Variants in FAM227B observed in about 807,000 individuals in gnomAD.
FAM227B encodes protein FAM227B.
Under a neutral mutation model 73.8 loss-of-function variants are expected in FAM227B, and 88 were observed. The observed-to-expected ratio is 1.19, with a 90% CI of 1.00 to 1.42. The LOEUF (loss-of-function observed/expected upper bound fraction) is 1.42. FAM227B is among the 40% of genes most tolerant of loss of function. The pLI is 0.00. For synonymous variants in FAM227B, 210 were observed against 190.5 expected, an observed-to-expected ratio of 1.10 and a Z score of -0.84; for missense variants, 632 against 590.9, an observed-to-expected ratio of 1.07 and a Z score of -0.72.
At chr15:49,559,140 C>T (rs958366335) in intron 9 of FAM227B, among the ~76,000 whole-genome samples, 1 of 152,208 alleles carries the variant, frequency 6.6e-6, no homozygotes, top group Non-Finnish European at 1.5e-5. Context: ...GTCATGAGCC[C>T]TGGAACAATT....
intron 11 of FAM227B, among the ~76,000 whole-genome samples, chr15:49,498,740 TG>T (rs148736792): frequency 0.029 from 4,372 of 152,226 alleles, 222 homozygotes; most frequent in African/African-American, 0.1. Context: ...TCATGTGAAA[TG>T]ACACCCATAG....
intron 9 of FAM227B, among the ~76,000 whole-genome samples, chr15:49,543,439 T>C (rs2071368326): frequency 6.6e-6 from 1 of 152,232 alleles, no homozygotes; most frequent in East Asian, 1.9e-4. Flanking sequence ...TTGCAAATGT[T>C]TGCACCGACT....
chr15:49,565,930 T>C (rs978342857), intron 9 of FAM227B, among the ~76,000 whole-genome samples: 3 of 152,092 alleles, frequency 2.0e-5, no homozygotes, highest in Admixed American at 6.6e-5. Context: ...ACTGGCAACC[T>C]CCAGAAGACA....
At chr15:49,367,695 A>T (rs2045427972) in intron 12 of FAM227B, 87 bp from the exon 13 acceptor site, 3 of 1,224,964 alleles carry the variant, frequency 2.4e-6, no homozygotes, top group Non-Finnish European at 3.3e-6. Flanking sequence ...TATTTAGCAT[A>T]AAGTTACCAT....
chr15:49,460,341 T>C (rs1489060915), intron 11 of FAM227B, among the ~76,000 whole-genome samples: 1 of 152,208 alleles, frequency 6.6e-6, no homozygotes, highest in African/African-American at 2.4e-5. Context: ...GCCATGCTTA[T>C]GGAAGGTGAA....
intron 13 of FAM227B, among the ~76,000 whole-genome samples, chr15:49,350,987 T>C (rs1055676316): frequency 3.3e-5 from 5 of 152,196 alleles, no homozygotes; most frequent in Non-Finnish European, 5.9e-5. Context: ...TGAGCACATA[T>C]ATGCTACACA....
chr15:49,365,896 G>A (rs2045088777), intron 13 of FAM227B: 1 of 960,072 alleles, frequency 1.0e-6, no homozygotes, highest in South Asian at 1.3e-5. Context: ...TGCAGCAAGA[G>A]AGTTGTACAG....
At chr15:49,603,669 G>C (rs976911682) in intron 3 of FAM227B, among the ~76,000 whole-genome samples, 8 of 151,972 alleles carry the variant, frequency 5.3e-5, no homozygotes, top group African/African-American at 1.9e-4. Flanking sequence ...CAGTACTATG[G>C]TTGAATAATA....
intron 11 of FAM227B, among the ~76,000 whole-genome samples, chr15:49,428,809 T>A (rs1220487563): frequency 6.6e-6 from 1 of 152,010 alleles, no homozygotes; most frequent in Non-Finnish European, 1.5e-5. Flanking sequence ...CACTGTTAGT[T>A]CCATAGCAAG....
intron 11 of FAM227B, among the ~76,000 whole-genome samples, chr15:49,445,264 G>A (rs1195641205): frequency 6.6e-6 from 1 of 151,466 alleles, no homozygotes; most frequent in Non-Finnish European, 1.5e-5. Context: ...TTCAACCCTT[G>A]CCTACATCTC....
chr15:49,376,734 T>TA (rs2046187530), intron 11 of FAM227B, among the ~76,000 whole-genome samples: 1 of 152,074 alleles, frequency 6.6e-6, no homozygotes, highest in African/African-American at 2.4e-5. Flanking sequence ...TTCCAATACA[T>TA]TAGCATGGGA....
chr15:49,328,693 G>A lies in FAM227B; in HGVS notation c.1420-18C>T, dbSNP rs1219245855. 1 of 1,548,744 alleles carries A rather than the reference G, an allele frequency of 6.5e-7. No individual in the cohort carries two copies. Among genetic ancestry groups the A allele is most frequent in the African/African-American group, 1.4e-5 (1 of 73,020 alleles). On this transcript the variant is annotated intron_variant, in intron 15 of 15. Coordinates refer to ENST00000299338, the MANE Select transcript of FAM227B (RefSeq NM_152647.3). ...TCGGAACGCTATGAAAATAATACAT[G>A]ATTAAAGTTTCACAGATCTTCTTGG... is the stretch of plus-strand genomic sequence containing the variant.
chr15:49,348,668 A>T (rs2041863040), intron 13 of FAM227B, among the ~76,000 whole-genome samples: 1 of 152,158 alleles, frequency 6.6e-6, no homozygotes. Flanking sequence ...CCTAAGAGAG[A>T]AGTAGGTTGG....
chr15:49,357,518 C>T (rs982583216), intron 13 of FAM227B, among the ~76,000 whole-genome samples: 3 of 152,092 alleles, frequency 2.0e-5, no homozygotes, highest in African/African-American at 7.2e-5. Flanking sequence ...GACACATACA[C>T]TCTCCCAAGA....
In FAM227B at chr15:49,328,622, T is replaced by C; in HGVS notation, c.1473A>G (p.Ser491=). The C allele has an allele frequency of 6.3e-7, 1 of 1,587,558 alleles. No individual in the cohort carries two copies. The highest frequency in any genetic ancestry group is 8.6e-7 in the Non-Finnish European group (1 of 1,163,326). ...TGTCTGTTGATGATGGTGATGATGA[T>C]GATGATGACGATAGTGATGCCACAC... ...RECVASLSSS[S]SSSPSSTDNY... Residue 491 remains serine, a synonymous_variant, in exon 16 of 16, where the codon TCA becomes TCG. Coordinates refer to ENST00000299338, the MANE Select transcript of FAM227B (RefSeq NM_152647.3).
At chr15:49,451,451 GTA>G (rs1389018435) in intron 11 of FAM227B, among the ~76,000 whole-genome samples, 5 of 152,040 alleles carry the variant, frequency 3.3e-5, no homozygotes, top group East Asian at 1.9e-4. Flanking sequence ...AGACATATAT[GTA>G]TATATGTTTG....
At chr15:49,561,051 G>A (rs187057238) in intron 9 of FAM227B, among the ~76,000 whole-genome samples, 12 of 152,240 alleles carry the variant, frequency 7.9e-5, no homozygotes, top group African/African-American at 2.9e-4. Flanking sequence ...AACGTATATT[G>A]TCTTAATGCC....
chr15:49,366,892 A>G lies in FAM227B; in HGVS notation c.1271+556T>C, dbSNP rs999748637. Among the ~76,000 whole-genome samples the G allele has an allele frequency of 1.2e-4, 19 of 152,314 alleles. 1 individual carries two copies. Among genetic ancestry groups the G allele is most frequent in the Admixed American group, 8.5e-4 (13 of 15,300 alleles). ...GGATTCATCTGAGTCCTTAATGAGG[A>G]CTGGGCCAAGAAAAGTTATACTGAA... On this transcript the variant is annotated intron_variant, in intron 13 of 15. Coordinates refer to ENST00000299338, the MANE Select transcript of FAM227B (RefSeq NM_152647.3).
chr15:49,405,695 TC>T (rs2048464521), intron 11 of FAM227B, among the ~76,000 whole-genome samples: 1 of 152,224 alleles, frequency 6.6e-6, no homozygotes, highest in South Asian at 2.1e-4. Context: ...TTCAATGTAC[TC>T]CTGCATCTCA....
Sources: gnomAD v4.1 joint callset for allele counts (sites outside exome capture counted in the v4.1 genomes callset) on GRCh38, gnomAD v4.1.1 for gene constraint, MANE v1.5 for transcripts, NCBI Gene and HGNC (gene_info 2026-07-23, HGNC 2026-07-21) for gene names.